Variants in SLC25A26 observed in about 807,000 individuals in gnomAD.
The protein encoded by SLC25A26 is solute carrier family 25 member 26.
A neutral mutation model predicts 37.8 loss-of-function variants in SLC25A26; 36 were observed. The ratio of observed to expected loss-of-function variants is 0.95; its 90% CI spans 0.73 to 1.26. The LOEUF is 1.26. SLC25A26 is among the 50% of genes most tolerant of loss of function. SLC25A26 has a pLI of 0.00. For synonymous variants in SLC25A26, 129 were observed against 122.5 expected, an observed-to-expected ratio of 1.05 and a Z score of -0.35; for missense variants, 390 against 331.1, an observed-to-expected ratio of 1.18 and a Z score of -1.38.
intron 7 of SLC25A26, among the ~76,000 whole-genome samples, chr3:66,368,176 T>C (rs370547782): frequency 9.5e-4 from 145 of 152,334 alleles, no homozygotes; most frequent in African/African-American, 3.4e-3. Context: ...AGAAGGAAAG[T>C]AGTGCTATTT....
chr3:66,142,459 A>C (rs1454186590), intron 1 of SLC25A26, among the ~76,000 whole-genome samples: 1 of 152,062 alleles, frequency 6.6e-6, no homozygotes, highest in Non-Finnish European at 1.5e-5. Context: ...ATTTTTTTTT[A>C]TCTTCTCCTG....
At chr3:66,271,791 G>C (rs752621415) in intron 5 of SLC25A26, among the ~76,000 whole-genome samples, 1 of 151,818 alleles carries the variant, frequency 6.6e-6, no homozygotes, top group Non-Finnish European at 1.5e-5. Flanking sequence ...GGCATCCATC[G>C]TTGTTAAGAT....
chr3:66,258,602 A>G (rs2073396903), intron 3 of SLC25A26, among the ~76,000 whole-genome samples: 1 of 152,222 alleles, frequency 6.6e-6, no homozygotes, highest in Non-Finnish European at 1.5e-5. Flanking sequence ...TCTAATAGCC[A>G]CATTAAAAAA....
intron 1 of SLC25A26, among the ~76,000 whole-genome samples, chr3:66,197,463 C>A (rs1351901750): frequency 6.6e-6 from 1 of 152,044 alleles, no homozygotes; most frequent in Non-Finnish European, 1.5e-5. Flanking sequence ...AAGGTCAGAT[C>A]AACATCAGGT....
At chr3:66,303,760 C>G (rs180877578) in intron 5 of SLC25A26, among the ~76,000 whole-genome samples, 1 of 152,114 alleles carries the variant, frequency 6.6e-6, no homozygotes, top group Non-Finnish European at 1.5e-5. Flanking sequence ...GTCTGAGGAC[C>G]GCGTGGCTGA....
chr3:66,164,194 C>T (rs1426767321), intron 1 of SLC25A26, among the ~76,000 whole-genome samples: 1 of 152,200 alleles, frequency 6.6e-6, no homozygotes, highest in Non-Finnish European at 1.5e-5. Flanking sequence ...ATTTTTCCAG[C>T]TGCAATTAAC....
At chr3:66,245,734 T>C (rs1414537724) in intron 3 of SLC25A26, among the ~76,000 whole-genome samples, 1 of 151,942 alleles carries the variant, frequency 6.6e-6, no homozygotes, top group Non-Finnish European at 1.5e-5. Flanking sequence ...ATAAGTGAAC[T>C]GGGGATATGG....
At chr3:66,140,662 A>G (rs538373261) in intron 1 of SLC25A26, among the ~76,000 whole-genome samples, 6 of 152,326 alleles carry the variant, frequency 3.9e-5, no homozygotes, top group South Asian at 4.1e-4. Context: ...AATATTCTTC[A>G]TAAGTAAAAC....
chr3:66,249,648 T>C (rs189584189), intron 3 of SLC25A26, among the ~76,000 whole-genome samples: 289 of 152,368 alleles, frequency 1.9e-3, no homozygotes, highest in Non-Finnish European at 3.5e-3. Flanking sequence ...TTAATCATGC[T>C]TTTGAAATAT....
chr3:66,280,785 C>T (rs1364814887), intron 5 of SLC25A26, among the ~76,000 whole-genome samples: 1 of 152,050 alleles, frequency 6.6e-6, no homozygotes, highest in Non-Finnish European at 1.5e-5. Context: ...TGCTCTGCTC[C>T]TCTTTCTTCC....
intron 3 of SLC25A26, among the ~76,000 whole-genome samples, chr3:66,243,785 G>T (rs2072699069): frequency 6.6e-6 from 1 of 152,164 alleles, no homozygotes; most frequent in Non-Finnish European, 1.5e-5. Context: ...CACTGTTGCA[G>T]CTCACACACC....
At chr3:66,208,712 A>T (rs1314332236) in intron 1 of SLC25A26, among the ~76,000 whole-genome samples, 1 of 136,078 alleles carries the variant, frequency 7.3e-6, no homozygotes, top group Non-Finnish European at 1.5e-5. Flanking sequence ...ATACACATTT[A>T]TATGGGTATA....
At chr3:66,247,525 A>G (rs1336188247) in intron 3 of SLC25A26, among the ~76,000 whole-genome samples, 1 of 152,122 alleles carries the variant, frequency 6.6e-6, no homozygotes, top group Non-Finnish European at 1.5e-5. Context: ...TGCCCAGGCT[A>G]GTCTTGAACT....
chr3:66,204,658 T>C (rs1281273403), intron 1 of SLC25A26, among the ~76,000 whole-genome samples: 1 of 152,242 alleles, frequency 6.6e-6, no homozygotes, highest in South Asian at 2.1e-4. Flanking sequence ...AGTCAGAACA[T>C]TGACAGGAAC....
intron 3 of SLC25A26, among the ~76,000 whole-genome samples, chr3:66,249,644 A>G (rs1179043278): frequency 1.3e-5 from 2 of 152,234 alleles, no homozygotes; most frequent in Non-Finnish European, 2.9e-5. Flanking sequence ...TGAATTAATC[A>G]TGCTTTTGAA....
chr3:66,282,440 C>G (rs1304074048), intron 5 of SLC25A26, among the ~76,000 whole-genome samples: 1 of 151,054 alleles, frequency 6.6e-6, no homozygotes, highest in Non-Finnish European at 1.5e-5. Flanking sequence ...GCCACTGTGC[C>G]AGGCCCCCAT....
chr3:66,281,815 G>A (rs9879795), intron 5 of SLC25A26, among the ~76,000 whole-genome samples: 1,886 of 140,502 alleles, frequency 0.013, 44 homozygotes, highest in African/African-American at 0.047. Context: ...ACATTTCCCC[G>A]TTAGTCCTTT....
At chr3:66,146,398 C>T (rs1043545978) in intron 1 of SLC25A26, among the ~76,000 whole-genome samples, 1 of 151,524 alleles carries the variant, frequency 6.6e-6, no homozygotes, top group Non-Finnish European at 1.5e-5. Context: ...ATAAAAAAAC[C>T]TGTGTGTATA....
intron 1 of SLC25A26, among the ~76,000 whole-genome samples, chr3:66,233,223 T>C (rs1239287207): frequency 2.0e-5 from 3 of 152,366 alleles, no homozygotes; most frequent in Non-Finnish European, 2.9e-5. Context: ...CTATAACTTC[T>C]CAGAGTAATT....
Sources: allele counts gnomAD v4.1 joint callset (sites outside exome capture counted in the v4.1 genomes callset), GRCh38; gene constraint gnomAD v4.1.1; transcripts MANE v1.5; gene names NCBI Gene and HGNC (gene_info 2026-07-23, HGNC 2026-07-21).